Variants in SNX13 observed in about 807,000 individuals in gnomAD.
SNX13 encodes the protein sorting nexin-13.
A neutral mutation model predicts 133.6 loss-of-function variants in SNX13; 45 were observed. The observed-to-expected ratio is 0.34, with a 90% CI of 0.27 to 0.43. The LOEUF is 0.43. Among genes scored for constraint, SNX13 ranks in the 20% least tolerant of loss-of-function variants. The pLI, the probability that SNX13 is intolerant of heterozygous loss-of-function variation, is 1.00. For synonymous variants in SNX13, 414 were observed against 373.9 expected, an observed-to-expected ratio of 1.11 and a Z score of -1.24; for missense variants, 1,032 against 1,145.1, an observed-to-expected ratio of 0.90 and a Z score of 1.43.
chr7:17,868,257 T>C (rs551758875), intron 9 of SNX13, 150 bp downstream of exon 9: 189 of 635,752 alleles, frequency 3.0e-4, no homozygotes, highest in Non-Finnish European at 4.5e-4. Context: ...TATAAGCAAA[T>C]AAAAATATTG....
intron 8 of SNX13, among the ~76,000 whole-genome samples, chr7:17,871,868 A>T (rs1174687466): frequency 6.6e-6 from 1 of 152,184 alleles, no homozygotes; most frequent in Non-Finnish European, 1.5e-5. Flanking sequence ...CTAGAGAGGT[A>T]AATAAGGCCA....
chr7:17,797,863 G>A (rs1022611503), intron 24 of SNX13, among the ~76,000 whole-genome samples: 1 of 151,788 alleles, frequency 6.6e-6, no homozygotes. Flanking sequence ...AGAGAAACCA[G>A]ATTCCCCACT....
At chr7:17,847,686 T>C (rs142172363) in intron 11 of SNX13, among the ~76,000 whole-genome samples, 12 of 152,306 alleles carry the variant, frequency 7.9e-5, no homozygotes, top group African/African-American at 2.9e-4. Context: ...GCAAAACTTC[T>C]CTAAAGAGCA....
chr7:17,839,479 C>T (rs925260347), intron 13 of SNX13, among the ~76,000 whole-genome samples: 7 of 151,764 alleles, frequency 4.6e-5, no homozygotes, highest in South Asian at 2.1e-4. Context: ...AACATATATA[C>T]GTTTTTTAAA....
intron 1 of SNX13, among the ~76,000 whole-genome samples, chr7:17,933,653 C>T (rs2128050937): frequency 6.6e-6 from 1 of 151,922 alleles, no homozygotes; most frequent in African/African-American, 2.4e-5. Flanking sequence ...TAGTCTATTC[C>T]CTGTCTCCCC....
intron 1 of SNX13, among the ~76,000 whole-genome samples, chr7:17,910,074 C>T (rs1798802817): frequency 6.6e-6 from 1 of 152,124 alleles, no homozygotes; most frequent in African/African-American, 2.4e-5. Flanking sequence ...AGAGATCTGA[C>T]CTGTACTTAA....
At chr7:17,911,569 CAG>C (rs1798982382) in intron 1 of SNX13, among the ~76,000 whole-genome samples, 1 of 149,294 alleles carries the variant, frequency 6.7e-6, no homozygotes, top group African/African-American at 2.5e-5. Flanking sequence ...AACCAGGAAG[CAG>C]AGATTGCAGT....
intron 5 of SNX13, chr7:17,879,706 C>T (rs1365218501): frequency 6.6e-6 from 1 of 152,242 alleles, no homozygotes; most frequent in Non-Finnish European, 1.5e-5. Flanking sequence ...CAGTGTACAG[C>T]TCATCATCAG....
chr7:17,902,805 C>A (rs1169730043), intron 1 of SNX13, among the ~76,000 whole-genome samples: 1 of 152,166 alleles, frequency 6.6e-6, no homozygotes, highest in Non-Finnish European at 1.5e-5. Flanking sequence ...GGTGAGCATG[C>A]CGCGAGCATT....
intron 13 of SNX13, among the ~76,000 whole-genome samples, chr7:17,836,504 T>A (rs1789160137): frequency 1.3e-5 from 2 of 152,086 alleles, no homozygotes; most frequent in Non-Finnish European, 2.9e-5. Flanking sequence ...AGACTCCGTC[T>A]CAAAAAACAA....
chr7:17,901,382 C>A (rs1013782088), intron 1 of SNX13, among the ~76,000 whole-genome samples: 14 of 152,096 alleles, frequency 9.2e-5, no homozygotes, highest in African/African-American at 3.1e-4. Flanking sequence ...AGGACTCGCC[C>A]AGGAATTGCA....
chr7:17,879,849 A>G (rs1180215047), intron 5 of SNX13: 3 of 152,228 alleles, frequency 2.0e-5, no homozygotes, highest in Non-Finnish European at 4.4e-5. Context: ...GTGCCAGTCT[A>G]TGAAATTCAG....
At chr7:17,830,323 T>C in intron 15 of SNX13, 1 of 984,450 alleles carries the variant, frequency 1.0e-6, no homozygotes, top group Non-Finnish European at 1.2e-6. Context: ...AATTATTAAA[T>C]GTTTTTATTC....
chr7:17,916,806 C>T (rs1271449680), intron 1 of SNX13, among the ~76,000 whole-genome samples: 1 of 152,114 alleles, frequency 6.6e-6, no homozygotes, highest in African/African-American at 2.4e-5. Context: ...CTCCCTAACT[C>T]ATTCTACAAA....
chr7:17,925,079 C>T (rs558506570), intron 1 of SNX13, among the ~76,000 whole-genome samples: 149 of 152,140 alleles, frequency 9.8e-4, no homozygotes, highest in African/African-American at 3.3e-3. Flanking sequence ...CATGGTGGCA[C>T]GTGCCTGGAA....
At chr7:17,925,428 CA>C (rs1342863339) in intron 1 of SNX13, among the ~76,000 whole-genome samples, 1 of 151,972 alleles carries the variant, frequency 6.6e-6, no homozygotes, top group Non-Finnish European at 1.5e-5. Context: ...AATTATATCT[CA>C]ATAAAGCTAC....
chr7:17,824,603 C>T (rs1460566563), intron 17 of SNX13, among the ~76,000 whole-genome samples: 1 of 151,788 alleles, frequency 6.6e-6, no homozygotes, highest in African/African-American at 2.4e-5. Context: ...CACTCAGGTT[C>T]ACCCAGCTAT....
At position 17,890,468 on chromosome 7, in the gene SNX13, A is replaced by G; in HGVS notation, c.335T>C (p.Leu112Ser). 2.5e-6 allele frequency: 4 copies of G among 1,581,804 alleles called. No individual in the cohort carries two copies. Among genetic ancestry groups the G allele is most frequent in the Non-Finnish European group, 3.4e-6 (4 of 1,164,402 alleles). Residue 112 changes from leucine to serine, a missense_variant, in exon 5 of 26, where the codon TTG (leucine) becomes TCG (serine). Leu to Ser is a moderately radical substitution (Grantham distance 145). Coordinates refer to ENST00000428135, the MANE Select transcript of SNX13 (RefSeq NM_015132.5). ...ATACCAATACTGGACATAATCCCTC[A>G]AGGAAAACTGGATAACCTATAACAA... ...EPLQQVIQFS[L>S]RDYVQYWYYT...
Position 17,875,588 on chromosome 7 carries a change from A to C in SNX13, c.563-7T>G, listed in dbSNP as rs747305158. The C allele has an allele frequency of 1.9e-6, 3 of 1,610,418 alleles. No individual in the cohort carries two copies. The highest frequency in any genetic ancestry group is 2.5e-6 in the Non-Finnish European group (3 of 1,179,156). Reference sequence around the variant, plus strand: ...ACAAGATCTTCTGCTGTACCTAAAGAAAAACAATTCAAGATATATAAAATG... The same window carrying C: ...ACAAGATCTTCTGCTGTACCTAAAGCAAAACAATTCAAGATATATAAAATG... On this transcript the variant is annotated splice_region_variant and splice_polypyrimidine_tract_variant and intron_variant, in intron 6 of 25. Coordinates refer to ENST00000428135, the MANE Select transcript of SNX13 (RefSeq NM_015132.5).
Sources: gnomAD v4.1 joint callset for allele counts (sites outside exome capture counted in the v4.1 genomes callset) on GRCh38, gnomAD v4.1.1 for gene constraint, MANE v1.5 for transcripts, NCBI Gene and HGNC (gene_info 2026-07-23, HGNC 2026-07-21) for gene names.